SLC12A5: variants seen among roughly 807,000 people sequenced by gnomAD.
SLC12A5 encodes solute carrier family 12 member 5, also known as K-Cl cotransporter 2.
A neutral mutation model predicts 124.0 loss-of-function variants in SLC12A5; 18 were observed. That is an observed-to-expected ratio of 0.15 (90% CI 0.10 to 0.22). The LOEUF is 0.22. Among genes scored for constraint, SLC12A5 ranks in the 10% least tolerant of loss-of-function variants. SLC12A5 has a pLI of 1.00. For synonymous variants in SLC12A5, 589 were observed against 568.0 expected, an observed-to-expected ratio of 1.04 and a Z score of -0.53; for missense variants, 867 against 1,478.7, an observed-to-expected ratio of 0.59 and a Z score of 6.78.
intron 1 of SLC12A5, among the ~76,000 whole-genome samples, chr20:46,022,426 G>A: frequency 8.1e-6 from 1 of 123,382 alleles, no homozygotes; most frequent in Non-Finnish European, 1.7e-5. Flanking sequence ...GGGGGGTGGG[G>A]TCGAGGGCGG....
intron 13 of SLC12A5, 23 bp downstream of exon 13, chr20:46,046,019 T>TC (rs751725360): frequency 1.3e-6 from 2 of 1,596,944 alleles, no homozygotes; most frequent in Non-Finnish European, 1.7e-6. Flanking sequence ...CTTCTTGCCC[T>TC]CCCCCCTGGT....
Position 46,058,457 on chromosome 20 carries a change from C to T in SLC12A5, c.*852C>T, listed in dbSNP as rs1378411697. 7.5e-6 allele frequency: 3 copies of T among 399,098 alleles called. No individual in the cohort carries two copies. The highest frequency in any genetic ancestry group is 2.1e-5 in the African/African-American group (1 of 48,644). The allele number at this position is 399,098 out of a possible 1,614,324, so 24.7% of individuals were successfully genotyped here. A position where few individuals can be genotyped will look rare whatever the true frequency, so the allele number is the denominator to read the frequency against. On this transcript the variant is annotated 3_prime_UTR_variant, in exon 26 of 26. Transcript: ENST00000243964. This position sits in a 1 kb window ranked among gnomAD's most constrained non-coding sequence, Gnocchi z 5.8. ...TTTCCTGGATTCGCCTCCCAGCGGA[C>T]GTGAGCTTCCACTGCGGCTGCAGAG...
At position 46,047,971 on chromosome 20, in the gene SLC12A5, C is replaced by T. The variant is rs781153240; in HGVS notation, c.1908-10C>T. Reference sequence around the variant, plus strand: ...TTCTGCTCTCATGTGATCCACTTCCCGGCTCCCAGGGCAGAGAAGGAGTGG... The same window carrying T: ...TTCTGCTCTCATGTGATCCACTTCCTGGCTCCCAGGGCAGAGAAGGAGTGG... On this transcript the variant is annotated splice_polypyrimidine_tract_variant and intron_variant, in intron 15 of 25. Coordinates refer to ENST00000243964, the MANE Select transcript of SLC12A5 (RefSeq NM_020708.5). 39 of 1,601,662 alleles carry T rather than the reference C, an allele frequency of 2.4e-5. No individual in the cohort carries two copies. Among genetic ancestry groups the T allele is most frequent in the East Asian group, 1.1e-4 (5 of 44,416 alleles).
Position 46,059,081 on chromosome 20 carries a change from G to T in SLC12A5, c.*1476G>T. The T allele has an allele frequency of 4.0e-6, 1 of 249,510 alleles. No individual in the cohort carries two copies. Among genetic ancestry groups the T allele is most frequent in the Non-Finnish European group, 7.6e-6 (1 of 132,394 alleles). 15.5% of individuals were successfully genotyped at this position (249,510 alleles called of 1,614,324 possible). A position where few individuals can be genotyped will look rare whatever the true frequency, so the allele number is the denominator to read the frequency against. On this transcript the variant is annotated 3_prime_UTR_variant, in exon 26 of 26. Coordinates refer to ENST00000243964, the MANE Select transcript of SLC12A5 (RefSeq NM_020708.5). ...GAGGCGTGCTCTGTCCTTAGAGAAGGCGCGGTGGCCGGGTTCCCTTCCCCT... is the reference window on the plus strand; with the variant it reads ...GAGGCGTGCTCTGTCCTTAGAGAAGTCGCGGTGGCCGGGTTCCCTTCCCCT...
At chr20:46,023,934 C>G (rs889631547), downstream of SLC12A5, among the ~76,000 whole-genome samples, 8 of 152,096 alleles carry the variant, frequency 5.3e-5, no homozygotes, top group African/African-American at 1.7e-4. Context: ...GCTTCTCTAC[C>G]CTTGCCTTCT....
chr20:46,036,844 G>A (rs1209436973), intron 5 of SLC12A5, 49 bp downstream of exon 5: 8 of 1,607,678 alleles, frequency 5.0e-6, no homozygotes, highest in Non-Finnish European at 6.8e-6. Flanking sequence ...GGTGGAAGGA[G>A]GGATAGTGCC....
intron 11 of SLC12A5, 45 bp downstream of exon 11, chr20:46,043,978 T>C (rs779900425): frequency 2.0e-6 from 3 of 1,522,188 alleles, no homozygotes; most frequent in Non-Finnish European, 2.7e-6. Context: ...GGGGTGGGTA[T>C]AGAAGGCTGA....
chr20:46,032,272 T>TC (rs2084460115), intron 1 of SLC12A5, among the ~76,000 whole-genome samples: 2 of 152,096 alleles, frequency 1.3e-5, no homozygotes, highest in Non-Finnish European at 2.9e-5. Context: ...CCTATTCCTG[T>TC]CCCCTGAGCG....
intron 13 of SLC12A5, 122 bp from the exon 14 acceptor site, chr20:46,046,216 C>A: frequency 1.1e-6 from 1 of 940,564 alleles, no homozygotes; most frequent in Non-Finnish European, 1.7e-6. Context: ...CTAAGCACCA[C>A]AGCATGATCT....
At chr20:46,033,220 G>A (rs937163831) in intron 1 of SLC12A5, among the ~76,000 whole-genome samples, 1 of 152,170 alleles carries the variant, frequency 6.6e-6, no homozygotes, top group Non-Finnish European at 1.5e-5. Context: ...TGGGGAAGAC[G>A]CAGACGGATG....
In SLC12A5 at chr20:46,058,599, G is replaced by A; in HGVS notation, c.*994G>A. Reference sequence around the variant, plus strand: ...CGCCCCACCGAGGAAGCCCCGCCCCGGTGCCTTCGCTGGGGAGCAGGCGTC... The same window carrying A: ...CGCCCCACCGAGGAAGCCCCGCCCCAGTGCCTTCGCTGGGGAGCAGGCGTC... On this transcript the variant is annotated 3_prime_UTR_variant, in exon 26 of 26. Transcript: ENST00000243964. This position sits in a 1 kb window ranked among gnomAD's most constrained non-coding sequence, Gnocchi z 5.8. The A allele has an allele frequency of 2.5e-6, 1 of 398,920 alleles. No individual in the cohort carries two copies. The allele number at this position is 398,920 out of a possible 1,614,324, so 24.7% of individuals were successfully genotyped here.
intron 1 of SLC12A5, chr20:46,022,723 T>G (rs1215351880): frequency 2.5e-6 from 1 of 398,024 alleles, no homozygotes; most frequent in African/African-American, 2.1e-5. Context: ...GGGGGCGTCT[T>G]CCTCGCGGGC....
rs376095009 is a variant in SLC12A5, at chr20:46,057,286, G to A, written c.3242G>A (p.Arg1081His). 1 of 1,614,182 alleles carries A rather than the reference G, an allele frequency of 6.2e-7. No homozygotes were observed. Among genetic ancestry groups the A allele is most frequent in the East Asian group, 2.2e-5 (1 of 44,884 alleles). ...AACATGCCTGGGCCTCCCCGCAACCGCAATGGTGATGAAAACTGTATCCTG... is the reference window on the plus strand; with the variant it reads ...AACATGCCTGGGCCTCCCCGCAACCACAATGGTGATGAAAACTGTATCCTG... ...LLNMPGPPRN[R>H]NGDENYMEFL... Residue 1081 changes from arginine to histidine, a missense_variant, in exon 25 of 26, where the codon CGC becomes CAC. Arg to His is a conservative substitution (Grantham distance 29). Transcript: ENST00000243964. This position sits in a 1 kb window ranked among gnomAD's most constrained non-coding sequence, Gnocchi z 7.1.
chr20:46,033,506 C>G (rs549581842), intron 1 of SLC12A5, among the ~76,000 whole-genome samples: 1 of 152,192 alleles, frequency 6.6e-6, no homozygotes, highest in Non-Finnish European at 1.5e-5. Context: ...TGGCTTCACA[C>G]GCATACTACA....
In SLC12A5 at chr20:46,040,570, C is replaced by T; in HGVS notation, c.810C>T (p.Ile270=). The T allele has an allele frequency of 6.2e-7, 1 of 1,614,202 alleles. No individual in the cohort carries two copies. The highest frequency in any genetic ancestry group is 8.5e-7 in the Non-Finnish European group (1 of 1,180,044). The stretch of plus-strand genomic sequence containing the variant: ...GTGTCATCCTCTCCATCCTGGCCAT[C>T]TATGCTGGGGTCATCAAGTCTGCCT... ...LGCVILSILA[I]YAGVIKSAFD... Residue 270 remains isoleucine (I), a synonymous_variant, in exon 7 of 26, where the codon ATC becomes ATT. Coordinates refer to ENST00000243964, the MANE Select transcript of SLC12A5 (RefSeq NM_020708.5).
chr20:46,057,607 A>T lies in SLC12A5; in HGVS notation c.*2A>T, dbSNP rs1312388131. On this transcript the variant is annotated 3_prime_UTR_variant, in exon 26 of 26. Coordinates refer to ENST00000243964, the MANE Select transcript of SLC12A5 (RefSeq NM_020708.5). This position sits in a 1 kb window ranked among gnomAD's most constrained non-coding sequence, Gnocchi z 7.1. ...GAGGTCATCACCATCTACTCCTGAG[A>T]ACCAGGACCTGCCACCCGGGCCCGA... The T allele has an allele frequency of 6.2e-7, 1 of 1,610,638 alleles. No individual in the cohort carries two copies. Among genetic ancestry groups the T allele is most frequent in the Non-Finnish European group, 8.5e-7 (1 of 1,178,032 alleles).
rs2084545554 is a variant in SLC12A5 at position 46,041,390 on chromosome 20, G to A, written c.916G>A (p.Ala306Thr). ...TGGCTTTGATGTCTGTGCCAAGCTG[G>A]CTTGGGAAGGAAATGAGACGGTGAC... ...RHGFDVCAKL[A>T]WEGNETVTTR... The change falls in exon 8 of 26, where the codon GCT (alanine) becomes ACT (threonine). Residue 306 changes from alanine to threonine, a missense_variant. This residue lies in a region of SLC12A5 where 127 missense variants were observed against 164.1 expected (regional missense o/e 0.77). Transcript: ENST00000243964. 2 of 1,614,042 alleles carry A rather than the reference G, an allele frequency of 1.2e-6. No individual in the cohort carries two copies. Among genetic ancestry groups the A allele is most frequent in the Non-Finnish European group, 1.7e-6 (2 of 1,180,032 alleles).
chr20:46,054,819 T>G (rs1456794409), intron 20 of SLC12A5, 97 bp from the exon 21 acceptor site: 2 of 816,768 alleles, frequency 2.4e-6, no homozygotes, highest in Non-Finnish European at 2.0e-6. Context: ...ACGGGGGCCT[T>G]CCTTCCTTCC....
At chr20:46,032,428 TTGCGGCTGGATA>T (rs1290619570) in intron 1 of SLC12A5, among the ~76,000 whole-genome samples, 1 of 152,212 alleles carries the variant, frequency 6.6e-6, no homozygotes, top group African/African-American at 2.4e-5. Context: ...CCCCAAAATC[TTGCGGCTGGATA>T]TGCGGCTGGA....
Sources: gnomAD v4.1 joint callset for allele counts (sites outside exome capture counted in the v4.1 genomes callset) on GRCh38, gnomAD v4.1.1 for gene constraint, gnomAD v4.1.1 regional missense constraint, Gnocchi (gnomAD v3.1) non-coding constraint, MANE v1.5 for transcripts, NCBI Gene and HGNC (gene_info 2026-07-23, HGNC 2026-07-21) for gene names.